DAAM1: variants seen among roughly 807,000 people sequenced by gnomAD.
DAAM1 encodes dishevelled associated activator of morphogenesis 1.
DAAM1 carries 52 observed loss-of-function variants against 130.0 expected under a neutral mutation model. The observed-to-expected ratio is 0.40, with a 90% CI of 0.32 to 0.50. DAAM1 has a LOEUF of 0.50. Among genes scored for constraint, DAAM1 ranks in the 20% least tolerant of loss-of-function variants. DAAM1 has a pLI of 0.61. For synonymous variants in DAAM1, 452 were observed against 444.5 expected, an observed-to-expected ratio of 1.02 and a Z score of -0.21; for missense variants, 1,134 against 1,303.8, an observed-to-expected ratio of 0.87 and a Z score of 2.01.
intron 19 of DAAM1, among the ~76,000 whole-genome samples, chr14:59,354,262 A>G (rs539977878): frequency 3.0e-4 from 46 of 152,190 alleles, no homozygotes; most frequent in East Asian, 7.7e-4. Context: ...GGGTTTCACC[A>G]CGTTAGCCAG....
In DAAM1 at chr14:59,331,507, A is replaced by T. The variant is rs1885441205; in HGVS notation, c.1859A>T (p.Glu620Val). 6.3e-7 allele frequency: 1 copy of T among 1,580,680 alleles called. No individual in the cohort carries two copies. The change falls in exon 14 of 25, where the codon GAG becomes GTG. Residue 620 changes from glutamate to valine, a missense_variant and splice_region_variant. Physicochemically the swap from Glu to Val is moderately radical, Grantham distance 121 (BLOSUM62 -2). Coordinates refer to ENST00000360909, the MANE Select transcript of DAAM1 (RefSeq NM_001270520.2). Reference sequence around the variant, plus strand: ...TCCTTCAACTGGTCTAAACTGCCCGAGGTGAGCCATTTGTTCCAGTTTTCC... The same window carrying T: ...TCCTTCAACTGGTCTAAACTGCCCGTGGTGAGCCATTTGTTCCAGTTTTCC... ...LKSFNWSKLP[E>V]NKLEGTVWTE...
At chr14:59,287,517 C>A (rs1883515318) in intron 2 of DAAM1, among the ~76,000 whole-genome samples, 2 of 152,080 alleles carry the variant, frequency 1.3e-5, no homozygotes, top group Non-Finnish European at 2.9e-5. Flanking sequence ...TGTTTCTATA[C>A]CTAGAAAACC....
chr14:59,225,061 TTC>T (rs1239444521), intron 1 of DAAM1, among the ~76,000 whole-genome samples: 1 of 127,274 alleles, frequency 7.9e-6, no homozygotes, highest in Non-Finnish European at 1.6e-5. Flanking sequence ...CGGAGTCTCC[TTC>T]TGTTACCAGG....
intron 1 of DAAM1, among the ~76,000 whole-genome samples, chr14:59,255,593 AT>A (rs1484986760): frequency 3.3e-5 from 5 of 152,266 alleles, no homozygotes; most frequent in Admixed American, 6.5e-5. Flanking sequence ...CCTCTGGAAA[AT>A]TGCAAAATGT....
chr14:59,319,411 TTGA>T (rs1884916706), intron 4 of DAAM1, among the ~76,000 whole-genome samples: 1 of 152,218 alleles, frequency 6.6e-6, no homozygotes, highest in Non-Finnish European at 1.5e-5. Context: ...ATTGTCACTC[TTGA>T]TGAGTTATGG....
intron 20 of DAAM1, among the ~76,000 whole-genome samples, chr14:59,358,648 T>G (rs1886580384): frequency 6.6e-6 from 1 of 151,908 alleles, no homozygotes; most frequent in Non-Finnish European, 1.5e-5. Flanking sequence ...TTGGGGACCA[T>G]CCTGACCAAC....
At chr14:59,327,402 C>CTTTTTTTTTTTTTTTGTTTTTTTT (rs1885250772) in intron 12 of DAAM1, among the ~76,000 whole-genome samples, 1 of 58,992 alleles carries the variant, frequency 1.7e-5, no homozygotes, top group Non-Finnish European at 2.9e-5. Flanking sequence ...CACTTGGTTT[C>CTTTTTTTTTTTTTTTGTTTTTTTT]TTTTTTTTTT....
intron 23 of DAAM1, among the ~76,000 whole-genome samples, chr14:59,366,014 G>A (rs2139692880): frequency 6.6e-6 from 1 of 151,746 alleles, no homozygotes. Context: ...AAAAGAGACT[G>A]GATATACTAT....
At chr14:59,233,411 A>G (rs1009354207) in intron 1 of DAAM1, among the ~76,000 whole-genome samples, 2 of 151,824 alleles carry the variant, frequency 1.3e-5, no homozygotes, top group African/African-American at 4.8e-5. Context: ...TTTTTTTCCT[A>G]TATTTGTTGG....
At chr14:59,211,965 C>A (rs1197857943) in intron 1 of DAAM1, among the ~76,000 whole-genome samples, 1 of 152,080 alleles carries the variant, frequency 6.6e-6, no homozygotes, top group Non-Finnish European at 1.5e-5. Context: ...TAAAACACTC[C>A]TTTTATTTTC....
intron 17 of DAAM1, among the ~76,000 whole-genome samples, chr14:59,349,029 A>G (rs1046052618): frequency 5.9e-5 from 9 of 152,164 alleles, no homozygotes; most frequent in Admixed American, 4.6e-4. Flanking sequence ...CCTGAACCCA[A>G]AATTTATTTT....
At chr14:59,214,319 T>A (rs187749391) in intron 1 of DAAM1, among the ~76,000 whole-genome samples, 1 of 152,352 alleles carries the variant, frequency 6.6e-6, no homozygotes, top group African/African-American at 2.4e-5. Context: ...ATTTAGATTC[T>A]TCCAAGTTGG....
intron 1 of DAAM1, among the ~76,000 whole-genome samples, chr14:59,259,646 C>T (rs1324428752): frequency 6.6e-6 from 1 of 152,174 alleles, no homozygotes; most frequent in Non-Finnish European, 1.5e-5. Context: ...CCTGAGGACA[C>T]ATACCAGAGA....
rs760767012 is a variant in DAAM1, at chr14:59,358,254, A to G, written c.2526-1143A>G. 1.5e-4 allele frequency among the ~76,000 whole-genome samples: 23 copies of G among 152,154 alleles called. 1 individual carries two copies. Among genetic ancestry groups the G allele is most frequent in the Non-Finnish European group, 1.5e-5 (1 of 68,026 alleles). On this transcript the variant is annotated intron_variant, in intron 20 of 24. Coordinates refer to ENST00000360909, the MANE Select transcript of DAAM1 (RefSeq NM_001270520.2). ...TTGTAATGCGTAGCAGTCAGTGACA[A>G]TGGGATCAGACCAACACAGTGTTGC...
In DAAM1 at chr14:59,360,785, A is replaced by T. The variant is rs758997476; in HGVS notation, c.2634-17A>T. On this transcript the variant is annotated splice_polypyrimidine_tract_variant and intron_variant, in intron 21 of 24. Coordinates refer to ENST00000360909, the MANE Select transcript of DAAM1 (RefSeq NM_001270520.2). ...TAAGTCACATGTTGATTGCTAAAACATTGCTATTTACAACAGCATGACTGA... is the reference window on the plus strand; with the variant it reads ...TAAGTCACATGTTGATTGCTAAAACTTTGCTATTTACAACAGCATGACTGA... 1 of 1,611,566 alleles carries T rather than the reference A, an allele frequency of 6.2e-7. No individual in the cohort carries two copies. The highest frequency in any genetic ancestry group is 8.5e-7 in the Non-Finnish European group (1 of 1,178,658).
chr14:59,317,026 C>T (rs539280104), intron 4 of DAAM1, among the ~76,000 whole-genome samples: 169 of 152,316 alleles, frequency 1.1e-3, no homozygotes, highest in Middle Eastern at 0.01. Context: ...TGTGGCCCTT[C>T]TTTAAGGGCC....
intron 16 of DAAM1, among the ~76,000 whole-genome samples, chr14:59,344,475 A>G (rs1370152996): frequency 6.6e-6 from 1 of 152,218 alleles, no homozygotes; most frequent in Non-Finnish European, 1.5e-5. Context: ...GCAATTAATT[A>G]CAGAGATTAG....
intron 1 of DAAM1, among the ~76,000 whole-genome samples, chr14:59,210,876 G>A (rs562938166): frequency 6.6e-6 from 1 of 152,288 alleles, no homozygotes; most frequent in South Asian, 2.1e-4. Flanking sequence ...AGGAGAGAGG[G>A]AGAAGTTTAT....
intron 3 of DAAM1, 21 bp downstream of exon 3, chr14:59,291,327 A>T: frequency 6.4e-7 from 1 of 1,557,152 alleles, no homozygotes; most frequent in Middle Eastern, 1.7e-4. Context: ...CATTGTGATT[A>T]TGGTTAACTG....
Sources: allele counts gnomAD v4.1 joint callset (sites outside exome capture counted in the v4.1 genomes callset), GRCh38; gene constraint gnomAD v4.1.1; transcripts MANE v1.5; gene names NCBI Gene and HGNC (gene_info 2026-07-23, HGNC 2026-07-21).